The following GRK5 variants were observed in gnomAD, a reference collection of about 807,000 sequenced individuals.
GRK5 encodes G protein-coupled receptor kinase 5, also known as g protein-coupled receptor kinase GRK5.
A neutral mutation model predicts 78.4 loss-of-function variants in GRK5; 40 were observed. That is an observed-to-expected ratio of 0.51 (90% CI 0.40 to 0.66). GRK5 has a LOEUF of 0.66. Ranked by LOEUF, GRK5 falls within the 30% of genes least tolerant of loss-of-function variation. The probability of loss-of-function intolerance (pLI) is 0.00; values close to 1 mark genes in which losing one functional copy is unlikely to be tolerated. For synonymous variants in GRK5, 289 were observed against 296.8 expected, an observed-to-expected ratio of 0.97 and a Z score of 0.27; for missense variants, 598 against 759.9, an observed-to-expected ratio of 0.79 and a Z score of 2.50.
intron 1 of GRK5, among the ~76,000 whole-genome samples, chr10:119,304,329 G>T (rs12412957): frequency 8.0e-6 from 1 of 124,798 alleles, no homozygotes; most frequent in Non-Finnish European, 1.6e-5. Flanking sequence ...TTGCTCTGTT[G>T]CCCAGGCTGG....
chr10:119,284,644 G>A (rs1051414791), intron 1 of GRK5, among the ~76,000 whole-genome samples: 4 of 152,224 alleles, frequency 2.6e-5, no homozygotes, highest in South Asian at 2.1e-4. Context: ...GGCTGCTGTG[G>A]CCTCTCAGTC....
chr10:119,343,164 G>T (rs1564898370), intron 2 of GRK5, among the ~76,000 whole-genome samples: 1 of 152,236 alleles, frequency 6.6e-6, no homozygotes, highest in Non-Finnish European at 1.5e-5. Flanking sequence ...TGCAAGGCGG[G>T]TGGCTGCCAA....
rs1479435252 is a variant in GRK5, at chr10:119,253,845, GGGGT to G, written c.52+45878_52+45881del. On this transcript the variant is annotated intron_variant, in intron 1 of 15. Coordinates refer to ENST00000392870, the MANE Select transcript of GRK5 (RefSeq NM_005308.3). This position sits in a 1 kb window ranked among gnomAD's most constrained non-coding sequence, Gnocchi z 5.7. ...GGGTTCCTGGTGGTTCTTTGCCCCA[GGGGT>G]GTGTGTGTGTGTGTGTGTGTGTGTA... Among the ~76,000 whole-genome samples the G allele has an allele frequency of 7.8e-5, 4 of 51,120 alleles. No individual in the cohort carries two copies. Among genetic ancestry groups the G allele is most frequent in the African/African-American group, 2.1e-4 (3 of 14,086 alleles). The allele number at this position is 51,120 out of a possible 152,430, so 33.5% of individuals were successfully genotyped here. A position where few individuals can be genotyped will look rare whatever the true frequency, so the allele number is the denominator to read the frequency against.
intron 13 of GRK5, among the ~76,000 whole-genome samples, chr10:119,450,689 G>A (rs1313449468): frequency 6.6e-6 from 1 of 152,136 alleles, no homozygotes; most frequent in African/African-American, 2.4e-5. Context: ...CACCCTGGGA[G>A]TGACCCTGGC....
intron 1 of GRK5, among the ~76,000 whole-genome samples, chr10:119,236,356 C>T (rs541790664): frequency 2.6e-5 from 4 of 152,036 alleles, no homozygotes; most frequent in Admixed American, 6.6e-5. Context: ...GCTGGGACTA[C>T]AGGCGCCCGC....
At position 119,431,055 on chromosome 10, in the gene GRK5, C is replaced by T. The variant is rs1002811893; in HGVS notation, c.598-332C>T. Among the ~76,000 whole-genome samples, 10 of 152,214 alleles carry T rather than the reference C, an allele frequency of 6.6e-5. No homozygotes were observed. The highest frequency in any genetic ancestry group is 1.9e-4 in the African/African-American group (8 of 41,452). On this transcript the variant is annotated intron_variant, in intron 7 of 15. Transcript: ENST00000392870. This position sits in a 1 kb window ranked among gnomAD's most constrained non-coding sequence, Gnocchi z 4.8. ...CAAAACAAACTTCTCTACCGGCAGC[C>T]GGTAGGAGAAAATCCTGTTGCCCTG...
At chr10:119,396,114 A>G (rs1391187306) in intron 3 of GRK5, among the ~76,000 whole-genome samples, 1 of 152,228 alleles carries the variant, frequency 6.6e-6, no homozygotes, top group Admixed American at 6.5e-5. Context: ...ATTATTATTT[A>G]TGATGGGCCA....
intron 1 of GRK5, among the ~76,000 whole-genome samples, chr10:119,277,567 T>C (rs1849690202): frequency 6.6e-6 from 1 of 152,196 alleles, no homozygotes; most frequent in East Asian, 1.9e-4. Context: ...AACCACTTTA[T>C]TGAGTGTAAT....
At chr10:119,309,004 G>A (rs565377000) in intron 1 of GRK5, among the ~76,000 whole-genome samples, 143 of 152,348 alleles carry the variant, frequency 9.4e-4, no homozygotes, top group Middle Eastern at 6.8e-3. Flanking sequence ...GAGGAGGCTG[G>A]TGCTGAGGCT....
In GRK5 at chr10:119,436,742, A is replaced by C. The variant is rs1194983488; in HGVS notation, c.830A>C (p.Asn277Thr). ...NGGDLKFHIY[N>T]MGNPGFEEER... The stretch of plus-strand genomic sequence containing the variant: ...GGTGACCTGAAGTTCCACATCTACA[A>C]CATGGGCAACCCTGGCTTCGAGGAG... Residue 277 changes from asparagine (N) to threonine (T), a missense_variant, in exon 9 of 16, where the codon AAC becomes ACC. By Grantham distance (65) the Asn-to-Thr change is moderately conservative. Transcript: ENST00000392870. 1 of 1,614,184 alleles carries C rather than the reference A, an allele frequency of 6.2e-7. No individual in the cohort carries two copies. Among genetic ancestry groups the C allele is most frequent in the Non-Finnish European group, 8.5e-7 (1 of 1,180,010 alleles).
chr10:119,341,914 C>T (rs971069883), intron 2 of GRK5, among the ~76,000 whole-genome samples: 5 of 152,122 alleles, frequency 3.3e-5, no homozygotes, highest in Admixed American at 1.3e-4. Context: ...TTATCAGAAA[C>T]GGTTTAGAGA....
rs1350604704 is a variant in GRK5, at chr10:119,457,137, T to C, written c.*2070T>C. The C allele has an allele frequency of 1.3e-5, 2 of 152,190 alleles. No homozygotes were observed. Among genetic ancestry groups the C allele is most frequent in the Non-Finnish European group, 2.9e-5 (2 of 68,036 alleles). 9.4% of individuals were successfully genotyped at this position (152,190 alleles called of 1,614,324 possible). On this transcript the variant is annotated 3_prime_UTR_variant, in exon 16 of 16. Transcript: ENST00000392870. ...ATGGTATCTTAAGATCCTTAAGCTC[T>C]TGCTGAACTTCCTTTTTCAATGAAA...
At chr10:119,328,928 C>T (rs911229406) in intron 2 of GRK5, among the ~76,000 whole-genome samples, 3 of 152,220 alleles carry the variant, frequency 2.0e-5, no homozygotes, top group African/African-American at 4.8e-5. Context: ...ACCAGAGTCT[C>T]TCAGAGCACC....
chr10:119,374,708 T>C (rs894160309), intron 2 of GRK5, among the ~76,000 whole-genome samples: 2 of 152,238 alleles, frequency 1.3e-5, no homozygotes, highest in African/African-American at 4.8e-5. Flanking sequence ...TGCCTAAGTC[T>C]CATGTTGAGA....
rs757141404 is a variant in GRK5 at position 119,336,863 on chromosome 10, T to A, written c.148+10252T>A. ...GTCGGGTTTGGAACATCAGGTGACCTGTCCGCAGCTGGAGCTCTCAGGAGG... is the reference window on the plus strand; with the variant it reads ...GTCGGGTTTGGAACATCAGGTGACCAGTCCGCAGCTGGAGCTCTCAGGAGG... On this transcript the variant is annotated intron_variant, in intron 2 of 15. Coordinates refer to ENST00000392870, the MANE Select transcript of GRK5 (RefSeq NM_005308.3). The surrounding 1 kb of genome is among the most constrained non-coding windows in gnomAD (Gnocchi z 4.5). Among the ~76,000 whole-genome samples, 12 of 152,198 alleles carry A rather than the reference T, an allele frequency of 7.9e-5. No homozygotes were observed. Among genetic ancestry groups the A allele is most frequent in the Non-Finnish European group, 1.5e-4 (10 of 68,038 alleles).
At position 119,251,956 on chromosome 10, in the gene GRK5, G is replaced by A. The variant is rs1564864254; in HGVS notation, c.52+43987G>A. ...TCCAATCCTCAGCCCTTCCACTAAG[G>A]ATTAGAACTTGATTTTCTTCTTTTC... On this transcript the variant is annotated intron_variant, in intron 1 of 15. Coordinates refer to ENST00000392870, the MANE Select transcript of GRK5 (RefSeq NM_005308.3). Among the ~76,000 whole-genome samples the A allele has an allele frequency of 4.6e-5, 7 of 152,166 alleles. No individual in the cohort carries two copies. The South Asian group carries it at 1.4e-3, about 32-fold the overall frequency.
At chr10:119,449,010 C>T (rs897399490) in intron 13 of GRK5, among the ~76,000 whole-genome samples, 6 of 152,166 alleles carry the variant, frequency 3.9e-5, no homozygotes, top group Admixed American at 2.6e-4. Flanking sequence ...TGCTGTGCTT[C>T]GGCTCCTGCC....
At position 119,264,466 on chromosome 10, in the gene GRK5, C is replaced by T. The variant is rs1184793149; in HGVS notation, c.52+56497C>T. On this transcript the variant is annotated intron_variant, in intron 1 of 15. Transcript: ENST00000392870. This position sits in a 1 kb window ranked among gnomAD's most constrained non-coding sequence, Gnocchi z 4.1. ...TCTGAGTGTTGGCCTCTCTCTCCTA[C>T]TACCGCTCATCCTTCTCCCCATGAC... Among the ~76,000 whole-genome samples, 1 of 152,158 alleles carries T rather than the reference C, an allele frequency of 6.6e-6. No homozygotes were observed. The highest frequency in any genetic ancestry group is 1.5e-5 in the Non-Finnish European group (1 of 68,032).
At chr10:119,236,461 G>A (rs1211027792) in intron 1 of GRK5, among the ~76,000 whole-genome samples, 2 of 152,034 alleles carry the variant, frequency 1.3e-5, no homozygotes, top group Non-Finnish European at 2.9e-5. Flanking sequence ...TGATCCGCCC[G>A]CCTTGGCCTC....
Sources: gnomAD v4.1 joint callset for allele counts (sites outside exome capture counted in the v4.1 genomes callset) on GRCh38, gnomAD v4.1.1 for gene constraint, Gnocchi (gnomAD v3.1) non-coding constraint, MANE v1.5 for transcripts, NCBI Gene and HGNC (gene_info 2026-07-23, HGNC 2026-07-21) for gene names.